The following SLC47A2 variants were observed in gnomAD, a reference collection of about 807,000 sequenced individuals.
SLC47A2 encodes the protein solute carrier family 47 member 2.
SLC47A2 carries 52 observed loss-of-function variants against 67.7 expected under a neutral mutation model. That is an observed-to-expected ratio of 0.77 (90% confidence interval 0.61 to 0.97). The LOEUF is 0.97. SLC47A2 is among the 50% of genes least tolerant of loss of function. The pLI, the probability that SLC47A2 is intolerant of heterozygous loss-of-function variation, is 0.00. For synonymous variants in SLC47A2, 278 were observed against 292.9 expected (o/e 0.95, Z 0.52); for missense variants, 676 against 712.3 (o/e 0.95, Z 0.58).
Position 19,681,475 on chromosome 17 carries a change from G to A in SLC47A2, c.1298-14C>T. The A allele has an allele frequency of 6.2e-7, 1 of 1,614,130 alleles. No homozygotes were observed. Among genetic ancestry groups the A allele is most frequent in the South Asian group, 1.1e-5 (1 of 91,064 alleles). On this transcript the variant is annotated splice_polypyrimidine_tract_variant and intron_variant, in intron 14 of 16. Coordinates refer to ENST00000433844, the MANE Select transcript of SLC47A2 (RefSeq NM_001099646.3). ...CCAGCCAGAGGCCTGGAGGAGACAA[G>A]TGATGATGGGAACAATGTCCGACGA...
intron 16 of SLC47A2, among the ~76,000 whole-genome samples, chr17:19,679,670 A>G (rs1169427109): frequency 6.6e-6 from 1 of 151,914 alleles, no homozygotes; most frequent in African/African-American, 2.4e-5. Context: ...GGGAGGAAAT[A>G]CCTAAGTTCT....
Position 19,685,620 on chromosome 17 carries a change from A to G in SLC47A2, c.1165-3950T>C, listed in dbSNP as rs2085412162. On this transcript the variant is annotated intron_variant, in intron 13 of 16. Coordinates refer to ENST00000433844, the MANE Select transcript of SLC47A2 (RefSeq NM_001099646.3). The surrounding 1 kb of genome is among the most constrained non-coding windows in gnomAD (Gnocchi z 4.5). The stretch of plus-strand genomic sequence containing the variant: ...GAAGGCAGCATGCTCATTAAGAGTC[A>G]TCACCACTCCCTAATCTCAAGTACC... Among the ~76,000 whole-genome samples, 2 of 152,172 alleles carry G rather than the reference A, an allele frequency of 1.3e-5. No homozygotes were observed. Among genetic ancestry groups the G allele is most frequent in the Non-Finnish European group, 2.9e-5 (2 of 68,038 alleles).
In SLC47A2 at chr17:19,716,520, A is replaced by G; in HGVS notation, c.36T>C (p.His12=). ...TGCTGAGGGCAGGGCAGCAGCCCCC[A>G]TGGTCCAGGGCCACTGTGTCCTGGA... ...DSLQDTVALD[H]GGCCPALSRL... The change falls in exon 1 of 17, where the codon CAT becomes CAC. Residue 12 remains histidine, a synonymous_variant. Transcript: ENST00000433844. 1.2e-6 allele frequency: 2 copies of G among 1,611,820 alleles called. No homozygotes were observed. The highest frequency in any genetic ancestry group is 1.7e-6 in the Non-Finnish European group (2 of 1,179,164).
At position 19,685,392 on chromosome 17, in the gene SLC47A2, A is replaced by T. The variant is rs2085405141; in HGVS notation, c.1165-3722T>A. Among the ~76,000 whole-genome samples, 2 of 151,040 alleles carry T rather than the reference A, an allele frequency of 1.3e-5. No homozygotes were observed. Among genetic ancestry groups the T allele is most frequent in the Non-Finnish European group, 3.0e-5 (2 of 67,776 alleles). On this transcript the variant is annotated intron_variant, in intron 13 of 16. Transcript: ENST00000433844. The surrounding 1 kb of genome is among the most constrained non-coding windows in gnomAD (Gnocchi z 4.5). ...CTGCCTGGCTGCCACCACGTCTAGG[A>T]AGTGAGGAGCGTCTCTGCCTGGCCG...
Position 19,712,691 on chromosome 17 carries a change from A to G in SLC47A2, c.486+12T>C. 1.2e-6 allele frequency: 2 copies of G among 1,612,922 alleles called. No individual in the cohort carries two copies. The highest frequency in any genetic ancestry group is 1.7e-6 in the Non-Finnish European group (2 of 1,179,650). ...GAATGTGATTCCACGCTCAGCAAAC[A>G]GGGGCACCTACCGGAAGTCCTGGAA... On this transcript the variant is annotated intron_variant, in intron 5 of 16. Coordinates refer to ENST00000433844, the MANE Select transcript of SLC47A2 (RefSeq NM_001099646.3).
intron 13 of SLC47A2, among the ~76,000 whole-genome samples, chr17:19,691,724 A>G (rs966515161): frequency 6.6e-6 from 1 of 152,234 alleles, no homozygotes; most frequent in Non-Finnish European, 1.5e-5. Flanking sequence ...AATTTATTAT[A>G]CATTTTAAAA....
chr17:19,703,992 G>T, intron 11 of SLC47A2, 78 bp downstream of exon 11: 1 of 1,163,248 alleles, frequency 8.6e-7, no homozygotes, highest in Non-Finnish European at 1.2e-6. Context: ...CCTGCCTCCA[G>T]CATGCCAGCC....
At chr17:19,703,034 CA>C in intron 12 of SLC47A2, 57 bp downstream of exon 12, 2 of 1,531,718 alleles carry the variant, frequency 1.3e-6, no homozygotes, top group Non-Finnish European at 1.8e-6. Flanking sequence ...AATCTGAGGA[CA>C]CACTGGGAAC....
rs1284086411 is a variant in SLC47A2 at position 19,706,709 on chromosome 17, G to T, written c.780C>A (p.Val260=). 1 of 1,611,426 alleles carries T rather than the reference G, an allele frequency of 6.2e-7. No homozygotes were observed. ...CAACACAGATCATGAGCATGCTGGG[G>T]ACAGCCAGGGAGAAGAAGGGGCCCC... ...QDWGPFFSLA[V]PSMLMICVEW... Residue 260 remains valine (V), a synonymous_variant, in exon 9 of 17, where the codon GTC becomes GTA. Transcript: ENST00000433844.
chr17:19,705,800 TG>T (rs2085919117), intron 9 of SLC47A2, among the ~76,000 whole-genome samples: 2 of 152,192 alleles, frequency 1.3e-5, no homozygotes, highest in African/African-American at 4.8e-5. Flanking sequence ...AGTTTCGCCA[TG>T]TTGGCCAGGC....
At chr17:19,700,530 G>T (rs1245306298) in intron 13 of SLC47A2, among the ~76,000 whole-genome samples, 1 of 152,210 alleles carries the variant, frequency 6.6e-6, no homozygotes, top group East Asian at 1.9e-4. Context: ...GGGGGCCAAG[G>T]CAGGAGGACT....
chr17:19,704,299 G>A (rs1483486157), intron 10 of SLC47A2, 121 bp from the exon 11 acceptor site: 8 of 750,578 alleles, frequency 1.1e-5, no homozygotes, highest in Admixed American at 6.1e-5. Context: ...GGCATGCAGT[G>A]TAAGAGGCAC....
chr17:19,698,526 A>AT lies in SLC47A2; in HGVS notation c.1164+4078dup, dbSNP rs527678706. On this transcript the variant is annotated intron_variant, in intron 13 of 16. Transcript: ENST00000433844. Reference sequence around the variant, plus strand: ...GCCACCATGCTTGGCTAATTTTTGTATTTTTTGTAGAGACAGGTTTCGCCA... The same window carrying AT: ...GCCACCATGCTTGGCTAATTTTTGTATTTTTTTGTAGAGACAGGTTTCGCCA... Among the ~76,000 whole-genome samples, 72 of 151,846 alleles carry AT rather than the reference A, an allele frequency of 4.7e-4. 1 individual carries two copies. The East Asian group carries it at 9.9e-3, about 21-fold the overall frequency.
chr17:19,706,620 A>G, intron 9 of SLC47A2, 28 bp downstream of exon 9: 1 of 1,545,190 alleles, frequency 6.5e-7, no homozygotes, highest in Non-Finnish European at 8.7e-7. Context: ...CCCACACGCC[A>G]TTGCGCCCCC....
intron 16 of SLC47A2, 81 bp from the exon 17 acceptor site, chr17:19,678,987 T>G: frequency 8.4e-7 from 1 of 1,197,140 alleles, no homozygotes; most frequent in Non-Finnish European, 1.2e-6. Context: ...AAACCTAGGT[T>G]AACCACCTGG....
At chr17:19,679,431 G>A (rs1255116050) in intron 16 of SLC47A2, among the ~76,000 whole-genome samples, 1 of 152,212 alleles carries the variant, frequency 6.6e-6, no homozygotes, top group East Asian at 1.9e-4. Flanking sequence ...TGGACACTGG[G>A]CACAAACCAG....
rs550248437 is a variant in SLC47A2, at chr17:19,702,165, G to C, written c.1164+440C>G. On this transcript the variant is annotated intron_variant, in intron 13 of 16. Transcript: ENST00000433844. The stretch of plus-strand genomic sequence containing the variant: ...TGTGTTAAATGACACCTGTCCTTTA[G>C]TGATCAAAGGAGCAGAAAGTCCAGT... 3 of 984,882 alleles carry C rather than the reference G, an allele frequency of 3.0e-6. No homozygotes were observed. The Admixed American group carries it at 1.8e-4, about 61-fold the overall frequency. 61.0% of individuals were successfully genotyped at this position (984,882 alleles called of 1,614,324 possible).
intron 13 of SLC47A2, among the ~76,000 whole-genome samples, chr17:19,699,449 T>C (rs191406291): frequency 6.6e-6 from 1 of 152,074 alleles, no homozygotes; most frequent in Non-Finnish European, 1.5e-5. Flanking sequence ...GGTATAATCA[T>C]AGCTGACTAT....
At position 19,679,362 on chromosome 17, in the gene SLC47A2, C is replaced by T. The variant is rs564908893; in HGVS notation, c.1481-456G>A. On this transcript the variant is annotated intron_variant, in intron 16 of 16. Coordinates refer to ENST00000433844, the MANE Select transcript of SLC47A2 (RefSeq NM_001099646.3). ...CTGTGTGAGCTTTGGGCCATGTGCA[C>T]ACACGCCTGGCACTCAGGACCAGCC... Among the ~76,000 whole-genome samples, 4 of 152,348 alleles carry T rather than the reference C, an allele frequency of 2.6e-5. No individual in the cohort carries two copies. The South Asian group carries it at 8.3e-4, about 32-fold the overall frequency.
Sources: gnomAD v4.1 joint callset for allele counts (sites outside exome capture counted in the v4.1 genomes callset) on GRCh38, gnomAD v4.1.1 for gene constraint, Gnocchi (gnomAD v3.1) non-coding constraint, MANE v1.5 for transcripts, NCBI Gene and HGNC (gene_info 2026-07-23, HGNC 2026-07-21) for gene names.